The following ANTXR2 variants were observed in gnomAD, a reference collection of about 807,000 sequenced individuals.
The protein encoded by ANTXR2 is ANTXR cell adhesion molecule 2.
A neutral mutation model predicts 73.7 loss-of-function variants in ANTXR2; 44 were observed. That is an observed-to-expected ratio of 0.60 (90% confidence interval 0.47 to 0.77). The LOEUF (loss-of-function observed/expected upper bound fraction) is 0.77. Among genes scored for constraint, ANTXR2 ranks in the 30% least tolerant of loss-of-function variants. The pLI is 0.00. For synonymous variants in ANTXR2, 217 were observed against 205.9 expected (o/e 1.05, Z -0.46); for missense variants, 604 against 592.5 (o/e 1.02, Z -0.20).
chr4:79,919,338 T>A (rs898879450), intron 16 of ANTXR2, among the ~76,000 whole-genome samples: 2 of 152,200 alleles, frequency 1.3e-5, no homozygotes, highest in African/African-American at 4.8e-5. Flanking sequence ...CTATTTGTTA[T>A]TAATTCATAG....
At chr4:79,995,967 C>T (rs1192334285) in intron 12 of ANTXR2, among the ~76,000 whole-genome samples, 1 of 151,952 alleles carries the variant, frequency 6.6e-6, no homozygotes, top group Non-Finnish European at 1.5e-5. Context: ...TTAACAGGAA[C>T]CACCCTTTAT....
intron 12 of ANTXR2, among the ~76,000 whole-genome samples, chr4:79,987,300 C>T (rs868489093): frequency 8.6e-5 from 13 of 151,422 alleles, no homozygotes; most frequent in South Asian, 2.1e-4. Flanking sequence ...ATTGAACTTC[C>T]GGAAATTAAA....
chr4:80,038,776 A>G (rs1733099324), intron 7 of ANTXR2, among the ~76,000 whole-genome samples: 1 of 152,028 alleles, frequency 6.6e-6, no homozygotes, highest in African/African-American at 2.4e-5. Context: ...AAGTCATAAC[A>G]TTGGTATCAC....
chr4:80,033,618 A>C, intron 8 of ANTXR2, 48 bp from the exon 9 acceptor site: 1 of 1,410,458 alleles, frequency 7.1e-7, no homozygotes, highest in Non-Finnish European at 9.7e-7. Context: ...TTTACCAAAA[A>C]AATAAAAAAC....
chr4:80,058,468 G>A (rs1160399067), intron 3 of ANTXR2, among the ~76,000 whole-genome samples: 1 of 151,994 alleles, frequency 6.6e-6, no homozygotes, highest in East Asian at 1.9e-4. Flanking sequence ...GTAACTACCT[G>A]AAGTCTGTCA....
chr4:80,068,749 G>A (rs975373160), intron 3 of ANTXR2, among the ~76,000 whole-genome samples: 16 of 152,112 alleles, frequency 1.1e-4, no homozygotes, highest in African/African-American at 3.1e-4. Flanking sequence ...TCCAGCCTGG[G>A]CAACAGAGAG....
chr4:80,057,086 C>T (rs1419720034), intron 3 of ANTXR2, among the ~76,000 whole-genome samples: 1 of 151,784 alleles, frequency 6.6e-6, no homozygotes, highest in African/African-American at 2.4e-5. Context: ...TTGATCTTAA[C>T]CAAAAGGCTG....
chr4:80,021,243 C>A (rs1205612029), intron 10 of ANTXR2, among the ~76,000 whole-genome samples: 1 of 149,634 alleles, frequency 6.7e-6, no homozygotes, highest in Non-Finnish European at 1.5e-5. Context: ...TACTTCTGAA[C>A]TATTCCAACA....
intron 10 of ANTXR2, among the ~76,000 whole-genome samples, chr4:80,019,363 A>G (rs1474110504): frequency 6.6e-6 from 1 of 152,186 alleles, no homozygotes; most frequent in African/African-American, 2.4e-5. Context: ...AGCGAGACTC[A>G]GTCTCAAAAA....
chr4:79,910,578 A>T (rs1304964615), intron 16 of ANTXR2, among the ~76,000 whole-genome samples: 1 of 151,966 alleles, frequency 6.6e-6, no homozygotes, highest in South Asian at 2.1e-4. Context: ...TATTGTTGTT[A>T]TCCATATTCC....
At chr4:79,949,200 G>T (rs1015948709) in intron 16 of ANTXR2, among the ~76,000 whole-genome samples, 7 of 152,120 alleles carry the variant, frequency 4.6e-5, no homozygotes, top group Non-Finnish European at 8.8e-5. Context: ...CCACAAACAG[G>T]ATGAGAACAC....
At position 80,055,159 on chromosome 4, in the gene ANTXR2, T is replaced by C. The variant is rs1195611605; in HGVS notation, c.546A>G (p.Glu182=). 4.5e-5 allele frequency: 71 copies of C among 1,560,792 alleles called. No homozygotes were observed. Among genetic ancestry groups the C allele is most frequent in the Non-Finnish European group, 5.9e-5 (68 of 1,151,038 alleles). Residue 182 remains glutamate (E), a synonymous_variant, in exon 6 of 17, where the codon GAA becomes GAG. Coordinates refer to ENST00000403729, the MANE Select transcript of ANTXR2 (RefSeq NM_058172.6). The stretch of plus-strand genomic sequence containing the variant: ...ATCTCTTGTAACTTACCTGTGCTTG[T>C]TCAAAATCAAGGACACCAACACAAT... The part of the protein sequence containing the change: ...SVYCVGVLDF[E]QAQLERIADS...
rs200645240 is a variant in ANTXR2, at chr4:79,996,246, G to GA, written c.1042-11384dup. ...GTTTGCAAAGGGAAAGGGTGCAGAA[G>GA]AAAAAGCCTATGATTTGTTGAGTAG... is the stretch of plus-strand genomic sequence containing the variant. On this transcript the variant is annotated intron_variant, in intron 12 of 16. Transcript: ENST00000403729. 1.1e-4 allele frequency among the ~76,000 whole-genome samples: 16 copies of GA among 151,948 alleles called. No individual in the cohort carries two copies. In the East Asian group the frequency reaches 2.3e-3, roughly 22 times the overall value.
intron 7 of ANTXR2, among the ~76,000 whole-genome samples, chr4:80,041,374 C>T (rs904064240): frequency 6.6e-6 from 1 of 152,070 alleles, no homozygotes; most frequent in Non-Finnish European, 1.5e-5. Context: ...AATCTAAAAT[C>T]TGGCTTATTC....
At chr4:79,987,682 C>A (rs531918633) in intron 12 of ANTXR2, among the ~76,000 whole-genome samples, 1 of 152,130 alleles carries the variant, frequency 6.6e-6, no homozygotes, top group East Asian at 1.9e-4. Flanking sequence ...TCTCCAAAGT[C>A]AACGCAAAGG....
chr4:80,007,715 G>T (rs1731374194), intron 12 of ANTXR2, among the ~76,000 whole-genome samples: 1 of 152,148 alleles, frequency 6.6e-6, no homozygotes, highest in South Asian at 2.1e-4. Context: ...TGCAGATAGA[G>T]AAAGGGGGGT....
intron 10 of ANTXR2, among the ~76,000 whole-genome samples, chr4:80,019,404 T>A (rs2110069442): frequency 6.6e-6 from 1 of 152,322 alleles, no homozygotes; most frequent in Middle Eastern, 3.4e-3. Flanking sequence ...CAGCTTTTGG[T>A]AAATTATGCC....
intron 12 of ANTXR2, among the ~76,000 whole-genome samples, chr4:79,997,890 T>A (rs578117759): frequency 6.6e-6 from 1 of 152,002 alleles, no homozygotes; most frequent in African/African-American, 2.4e-5. Flanking sequence ...CATGAAAGCA[T>A]GAAAGACCTA....
chr4:79,963,316 C>T (rs1323521466), intron 16 of ANTXR2, among the ~76,000 whole-genome samples: 1 of 152,130 alleles, frequency 6.6e-6, no homozygotes, highest in Non-Finnish European at 1.5e-5. Flanking sequence ...TATCAGGATT[C>T]TCGGGTCCCT....
Sources: allele counts gnomAD v4.1 joint callset (sites outside exome capture counted in the v4.1 genomes callset), GRCh38; gene constraint gnomAD v4.1.1; transcripts MANE v1.5; gene names NCBI Gene and HGNC (gene_info 2026-07-23, HGNC 2026-07-21).